FGD1: variants seen among roughly 807,000 people sequenced by gnomAD.
FGD1 encodes FYVE, RhoGEF and PH domain containing 1.
Under a neutral mutation model 65.0 loss-of-function variants are expected in FGD1, and 12 were observed. The ratio of observed to expected loss-of-function variants is 0.18; its 90% CI spans 0.12 to 0.30. FGD1 has a LOEUF of 0.30. FGD1 is among the 10% of genes least tolerant of loss of function. The probability of loss-of-function intolerance (pLI) is 1.00; values close to 1 mark genes in which losing one functional copy is unlikely to be tolerated. For missense variants in FGD1, 542 were observed against 837.6 expected (o/e 0.65, Z 4.36); for synonymous variants, 333 against 343.9 (o/e 0.97, Z 0.35).
chrX:54,486,273 G>T (rs773847016), intron 1 of FGD1, among the ~76,000 whole-genome samples: 1 of 106,643 alleles, frequency 9.4e-6, no homozygotes, highest in Non-Finnish European at 1.9e-5. Flanking sequence ...TCTTAGAGAC[G>T]GAGTCTCGCT....
intron 12 of FGD1, among the ~76,000 whole-genome samples, chrX:54,453,557 T>C (rs1449854176): frequency 3.6e-5 from 4 of 111,518 alleles, no homozygotes; most frequent in African/African-American, 1.3e-4. Context: ...TACATAAATA[T>C]TCTTTTTCTT....
At chrX:54,491,760 C>T (rs1378971973) in intron 1 of FGD1, among the ~76,000 whole-genome samples, 1 of 110,908 alleles carries the variant, frequency 9.0e-6, no homozygotes, top group Non-Finnish European at 1.9e-5. Flanking sequence ...TTTTTAAGGT[C>T]AACAAGAGAT....
intron 8 of FGD1, among the ~76,000 whole-genome samples, chrX:54,463,216 C>G (rs1281420747): frequency 9.0e-6 from 1 of 111,160 alleles, no homozygotes; most frequent in South Asian, 3.8e-4. Flanking sequence ...ACATCCAAAT[C>G]TCTCCCTGAA....
intron 14 of FGD1, 133 bp from the exon 15 acceptor site, chrX:54,449,401 C>G: frequency 1.2e-6 from 1 of 802,181 alleles, no homozygotes; most frequent in South Asian, 2.3e-5. Context: ...CAGCCACATT[C>G]AGAAGACCTG....
intron 6 of FGD1, among the ~76,000 whole-genome samples, chrX:54,467,216 G>T (rs1922782612): frequency 9.0e-6 from 1 of 111,479 alleles, no homozygotes; most frequent in Non-Finnish European, 1.9e-5. Context: ...GCTGGAATTT[G>T]AACTCAGCCA....
intron 1 of FGD1, among the ~76,000 whole-genome samples, chrX:54,473,986 A>ATAT (rs199998075): frequency 1.0e-3 from 109 of 107,777 alleles, no homozygotes; most frequent in African/African-American, 3.4e-3. Context: ...TCTCAAAAAA[A>ATAT]AAATATATAT....
intron 6 of FGD1, among the ~76,000 whole-genome samples, 187 bp downstream of exon 6, chrX:54,467,597 T>C (rs1223668995): frequency 9.0e-6 from 1 of 111,013 alleles, no homozygotes; most frequent in Non-Finnish European, 1.9e-5. Context: ...CTCAGGTGAT[T>C]CACCTGCCTC....
Position 54,446,144 on chromosome X carries a change from G to A in FGD1, c.2851C>T (p.Pro951Ser), listed in dbSNP as rs1474070705. The part of the protein sequence containing the change: ...PVAALGATAE[P>S]PESPQTRDKT Reference sequence around the variant, plus strand: ...TCTCGGGTCTGGGGGGATTCGGGGGGTTCAGCAGTGGCTCCTAAAGCAGCC... The same window carrying A: ...TCTCGGGTCTGGGGGGATTCGGGGGATTCAGCAGTGGCTCCTAAAGCAGCC... Residue 951 changes from proline to serine, a missense_variant, in exon 18 of 18, where the codon CCC becomes TCC. Transcript: ENST00000375135. 5.0e-6 allele frequency: 6 copies of A among 1,208,760 alleles called. No homozygotes were observed. Among genetic ancestry groups the A allele is most frequent in the Middle Eastern group, 2.3e-4 (1 of 4,290 alleles).
intron 1 of FGD1, 94 bp from the exon 2 acceptor site, chrX:54,471,581 T>G: frequency 1.2e-6 from 1 of 845,154 alleles, no homozygotes; most frequent in Non-Finnish European, 1.7e-6. Context: ...AGCAGCTATC[T>G]GGGGTATTGG....
chrX:54,465,753 C>G lies in FGD1; in HGVS notation c.1440G>C (p.Leu480=), dbSNP rs200637558. The change falls in exon 7 of 18, where the codon CTG becomes CTC. Residue 480 remains leucine (L), a synonymous_variant. Transcript: ENST00000375135. ...YVKNFDRAVE[L]VNTWTERSTQ... ...TGGAGCGCTCTGTCCAGGTGTTGAC[C>G]AGCTCCACGGCCCGGTCAAAGTTCT... The G allele has an allele frequency of 4.3e-5, 52 of 1,209,238 alleles. No homozygotes were observed. In the African/African-American group the frequency reaches 7.7e-4, roughly 18 times the overall value.
intron 1 of FGD1, among the ~76,000 whole-genome samples, chrX:54,476,753 A>G (rs1305123941): frequency 9.0e-6 from 1 of 110,696 alleles, no homozygotes; most frequent in East Asian, 2.8e-4. Context: ...CCCTTCCATC[A>G]ACGGATTTAT....
At chrX:54,481,649 G>C (rs749543847) in intron 1 of FGD1, among the ~76,000 whole-genome samples, 2 of 105,704 alleles carry the variant, frequency 1.9e-5, no homozygotes, top group Non-Finnish European at 3.9e-5. Flanking sequence ...ACATTTGGAG[G>C]GGGGAGGAGA....
chrX:54,486,483 T>C (rs1277493035), intron 1 of FGD1, among the ~76,000 whole-genome samples: 1 of 111,594 alleles, frequency 9.0e-6, no homozygotes, highest in East Asian at 2.9e-4. Flanking sequence ...CTTGACCTTG[T>C]GATCCACCCA....
intron 7 of FGD1, 31 bp from the exon 8 acceptor site, chrX:54,465,620 T>A (rs1286381781): frequency 1.7e-6 from 2 of 1,208,456 alleles, no homozygotes; most frequent in Non-Finnish European, 1.1e-6. Context: ...GGGGCTCAGA[T>A]CTGGCTGCAG....
intron 12 of FGD1, among the ~76,000 whole-genome samples, chrX:54,453,176 C>G (rs1360650288): frequency 9.0e-6 from 1 of 111,073 alleles, no homozygotes; most frequent in East Asian, 2.8e-4. Context: ...TGGCTTGTCA[C>G]TCCCCTGGAT....
intron 5 of FGD1, among the ~76,000 whole-genome samples, chrX:54,468,394 G>A (rs1922811748): frequency 8.9e-6 from 1 of 111,764 alleles, no homozygotes; most frequent in African/African-American, 3.3e-5. Flanking sequence ...CTGTCATAGA[G>A]GGTAAGATAG....
At chrX:54,484,341 A>G (rs944245237) in intron 1 of FGD1, among the ~76,000 whole-genome samples, 2 of 109,645 alleles carry the variant, frequency 1.8e-5, no homozygotes, top group African/African-American at 6.7e-5. Context: ...TTCCTGCTAG[A>G]TATCAGCTCC....
At position 54,446,154 on chromosome X, in the gene FGD1, G is replaced by A. The variant is rs1015067517; in HGVS notation, c.2841C>T (p.Ala947=). The change falls in exon 18 of 18, where the codon GCC becomes GCT. Residue 947 remains alanine, a synonymous_variant. Transcript: ENST00000375135. ...MEEAPVAALG[A]TAEPPESPQT... is the part of the protein sequence containing the mutation. ...GGGGGGATTCGGGGGGTTCAGCAGT[G>A]GCTCCTAAAGCAGCCACCGGTGCCT... 7 of 1,209,040 alleles carry A rather than the reference G, an allele frequency of 5.8e-6. No homozygotes were observed. The highest frequency in any genetic ancestry group is 2.2e-5 in the Admixed American group (1 of 45,723).
intron 7 of FGD1, 35 bp from the exon 8 acceptor site, chrX:54,465,624 G>T: frequency 8.3e-7 from 1 of 1,210,451 alleles, no homozygotes. Flanking sequence ...CTCAGATCTG[G>T]CTGCAGATGC....
Sources: allele counts gnomAD v4.1 joint callset (sites outside exome capture counted in the v4.1 genomes callset), GRCh38; gene constraint gnomAD v4.1.1; transcripts MANE v1.5; gene names NCBI Gene and HGNC (gene_info 2026-07-23, HGNC 2026-07-21).